The following GRAMD2B variants were observed in gnomAD, a reference collection of about 807,000 sequenced individuals.
The protein encoded by GRAMD2B is GRAM domain containing 2B, also known as GRAM domain-containing protein 2B.
GRAMD2B carries 41 observed loss-of-function variants against 59.2 expected under a neutral mutation model. The ratio of observed to expected loss-of-function variants is 0.69; its 90% CI spans 0.54 to 0.90. The LOEUF (loss-of-function observed/expected upper bound fraction) is 0.90. Among genes scored for constraint, GRAMD2B ranks in the 40% least tolerant of loss-of-function variants. GRAMD2B has a pLI of 0.00. For missense variants in GRAMD2B, 424 were observed against 500.5 expected, an observed-to-expected ratio of 0.85 and a Z score of 1.46; for synonymous variants, 161 against 182.7, an observed-to-expected ratio of 0.88 and a Z score of 0.96.
At chr5:126,428,612 A>G (rs1292784824) in intron 1 of GRAMD2B, among the ~76,000 whole-genome samples, 4 of 152,206 alleles carry the variant, frequency 2.6e-5, no homozygotes, top group Non-Finnish European at 4.4e-5. Flanking sequence ...CCTGTCTCCT[A>G]CAGGTGTGAC....
upstream of GRAMD2B, among the ~76,000 whole-genome samples, chr5:126,422,521 CTCA>C (rs1759846359): frequency 6.6e-6 from 1 of 152,148 alleles, no homozygotes; most frequent in African/African-American, 2.4e-5. Context: ...TTTTTTAAAG[CTCA>C]TCATCTATCC....
At chr5:126,424,318 GT>G (rs562821441) in intron 1 of GRAMD2B, among the ~76,000 whole-genome samples, 1 of 151,978 alleles carries the variant, frequency 6.6e-6, no homozygotes, top group Non-Finnish European at 1.5e-5. Context: ...AGGAGAGGTT[GT>G]TTTTTTCCTA....
At chr5:126,462,372 C>G (rs1435375344) in intron 1 of GRAMD2B, 1 of 982,332 alleles carries the variant, frequency 1.0e-6, no homozygotes, top group South Asian at 4.7e-5. Context: ...ACGCTGCTCA[C>G]TCAAACACAC....
chr5:126,438,282 C>A (rs1355206034), intron 1 of GRAMD2B, among the ~76,000 whole-genome samples: 4 of 152,112 alleles, frequency 2.6e-5, no homozygotes, highest in Non-Finnish European at 5.9e-5. Context: ...CCTTGTGAGC[C>A]TGTACATAAC....
chr5:126,446,097 T>G (rs1249737291), intron 1 of GRAMD2B, among the ~76,000 whole-genome samples: 1 of 152,234 alleles, frequency 6.6e-6, no homozygotes, highest in African/African-American at 2.4e-5. Flanking sequence ...ATTGTGCTAA[T>G]AGTTTCCCTG....
At chr5:126,374,978 AAGCCT>A (rs1755056129) in intron 1 of GRAMD2B, among the ~76,000 whole-genome samples, 2 of 152,360 alleles carry the variant, frequency 1.3e-5, no homozygotes, top group South Asian at 4.1e-4. Flanking sequence ...AAATTACATT[AAGCCT>A]ATTGTTCAAC....
At chr5:126,447,329 A>T (rs1164730376) in intron 1 of GRAMD2B, among the ~76,000 whole-genome samples, 1 of 152,208 alleles carries the variant, frequency 6.6e-6, no homozygotes, top group African/African-American at 2.4e-5. Context: ...ATTGCTATTT[A>T]TACTGTCTGG....
At chr5:126,440,272 A>T (rs191789745) in intron 1 of GRAMD2B, among the ~76,000 whole-genome samples, 1 of 152,352 alleles carries the variant, frequency 6.6e-6, no homozygotes, top group Non-Finnish European at 1.5e-5. Flanking sequence ...AGGAAAACTT[A>T]TGAAGTATTT....
intron 1 of GRAMD2B, among the ~76,000 whole-genome samples, chr5:126,364,848 T>A (rs1754369934): frequency 6.6e-6 from 1 of 152,230 alleles, no homozygotes; most frequent in African/African-American, 2.4e-5. Context: ...CTGAGATGTT[T>A]CATAGAATTC....
At chr5:126,450,255 C>T (rs977125005) in intron 1 of GRAMD2B, among the ~76,000 whole-genome samples, 1 of 152,040 alleles carries the variant, frequency 6.6e-6, no homozygotes, top group Admixed American at 6.5e-5. Flanking sequence ...CAAAAGTGAA[C>T]ATTTCTCTCT....
chr5:126,430,150 T>G (rs1761334966), intron 1 of GRAMD2B, among the ~76,000 whole-genome samples: 1 of 152,228 alleles, frequency 6.6e-6, no homozygotes, highest in African/African-American at 2.4e-5. Flanking sequence ...TGACTGCTTC[T>G]TTATCCTTAA....
At chr5:126,401,422 T>C (rs2149739780) in intron 1 of GRAMD2B, among the ~76,000 whole-genome samples, 1 of 152,268 alleles carries the variant, frequency 6.6e-6, no homozygotes, top group East Asian at 1.9e-4. Context: ...TTTAATTCTT[T>C]GTCAGAAATT....
At chr5:126,423,183 C>T, upstream of GRAMD2B, 1 of 1,004,694 alleles carries the variant, frequency 1.0e-6, no homozygotes, top group Non-Finnish European at 1.2e-6. Context: ...CCCCCTGTTA[C>T]AGTCGGGATA....
intron 1 of GRAMD2B, among the ~76,000 whole-genome samples, chr5:126,409,716 G>T (rs989087931): frequency 2.0e-5 from 3 of 151,994 alleles, no homozygotes; most frequent in Non-Finnish European, 4.4e-5. Context: ...GTCAATTTTG[G>T]CTTTTGTTGC....
At chr5:126,468,521 T>C (rs1344369961) in intron 2 of GRAMD2B, among the ~76,000 whole-genome samples, 2 of 152,142 alleles carry the variant, frequency 1.3e-5, no homozygotes, top group African/African-American at 2.4e-5. Flanking sequence ...AGAATATTGC[T>C]CTGTCCCCCA....
chr5:126,371,238 A>C, upstream of GRAMD2B: 1 of 958,968 alleles, frequency 1.0e-6, no homozygotes, highest in Non-Finnish European at 1.3e-6. Flanking sequence ...AGGTAGGATG[A>C]AAACCGCCCT....
rs771139388 is a variant in GRAMD2B at position 126,483,463 on chromosome 5, G to T, written c.736G>T (p.Asp246Tyr). The T allele has an allele frequency of 1.1e-5, 18 of 1,588,244 alleles. No individual in the cohort carries two copies. The highest frequency in any genetic ancestry group is 1.7e-5 in the Admixed American group (1 of 59,856). ...TCTTCATTTCACTGTTTCCTTTCAG[G>T]ATTTCAATGATGAATTCTCAGATCT... ...RADRPSSLPL[D>Y]FNDEFSDLDG... The change falls in exon 9 of 14, where the codon GAT becomes TAT. Residue 246 changes from aspartate (D) to tyrosine (Y), a missense_variant and splice_region_variant. Physicochemically the swap from Asp to Tyr is radical, Grantham distance 160. Transcript: ENST00000285689.
At chr5:126,398,625 T>C (rs1429220516) in intron 1 of GRAMD2B, among the ~76,000 whole-genome samples, 2 of 152,128 alleles carry the variant, frequency 1.3e-5, no homozygotes, top group Non-Finnish European at 2.9e-5. Flanking sequence ...ATGATTTCCT[T>C]CCTTCTGCTA....
intron 1 of GRAMD2B, among the ~76,000 whole-genome samples, chr5:126,375,201 G>A (rs1755071589): frequency 6.6e-6 from 1 of 151,426 alleles, no homozygotes; most frequent in Non-Finnish European, 1.5e-5. Context: ...ATTTTCTTTT[G>A]TCAATGTACA....
Sources: gnomAD v4.1 joint callset for allele counts (sites outside exome capture counted in the v4.1 genomes callset) on GRCh38, gnomAD v4.1.1 for gene constraint, MANE v1.5 for transcripts, NCBI Gene and HGNC (gene_info 2026-07-23, HGNC 2026-07-21) for gene names.